Variants in MYO9A observed in about 807,000 individuals in gnomAD.
The protein encoded by MYO9A is unconventional myosin-IXa.
MYO9A carries 103 observed loss-of-function variants against 293.3 expected under a neutral mutation model. The ratio of observed to expected loss-of-function variants is 0.35; its 90% CI spans 0.30 to 0.41. The LOEUF is 0.41. Among genes scored for constraint, MYO9A ranks in the 10% least tolerant of loss-of-function variants. The pLI is 1.00. For synonymous variants in MYO9A, 1,001 were observed against 1,035.7 expected, an observed-to-expected ratio of 0.97 and a Z score of 0.64; for missense variants, 2,685 against 3,033.0, an observed-to-expected ratio of 0.89 and a Z score of 2.69.
At chr15:72,071,498 T>C (rs1356079066) in intron 1 of MYO9A, among the ~76,000 whole-genome samples, 1 of 152,216 alleles carries the variant, frequency 6.6e-6, no homozygotes, top group Non-Finnish European at 1.5e-5. Context: ...CCCAGCACTT[T>C]GGCAGGCCAA....
In MYO9A at chr15:71,825,869, A is replaced by G. The variant is rs992273116; in HGVS notation, c.*711T>C. The G allele has an allele frequency of 1.3e-5, 2 of 152,238 alleles. No individual in the cohort carries two copies. The highest frequency in any genetic ancestry group is 4.8e-5 in the African/African-American group (2 of 41,456). The allele number at this position is 152,238 out of a possible 1,614,324, so 9.4% of individuals were successfully genotyped here. A position where few individuals can be genotyped will look rare whatever the true frequency, so the allele number is the denominator to read the frequency against. On this transcript the variant is annotated 3_prime_UTR_variant, in exon 42 of 42. Transcript: ENST00000356056. ...ATTTGGCAGGAACTAAACAGGAGTTAAACCAGCACTGATTACTATGACATC... is the reference window on the plus strand; with the variant it reads ...ATTTGGCAGGAACTAAACAGGAGTTGAACCAGCACTGATTACTATGACATC...
At chr15:71,833,727 T>A (rs1030536553) in intron 39 of MYO9A, among the ~76,000 whole-genome samples, 2 of 152,072 alleles carry the variant, frequency 1.3e-5, no homozygotes, top group Non-Finnish European at 2.9e-5. Context: ...TCTAATAATG[T>A]AGTTACAAAG....
At position 71,959,931 on chromosome 15, in the gene MYO9A, C is replaced by A; in HGVS notation, c.2152G>T (p.Ala718Ser). 1 of 1,613,076 alleles carries A rather than the reference C, an allele frequency of 6.2e-7. No individual in the cohort carries two copies. The highest frequency in any genetic ancestry group is 1.1e-5 in the South Asian group (1 of 91,058). ...FFRAMVAFRE[A>S]GKRNIHRKTG... Reference sequence around the variant, plus strand: ...TTTCTGTGAATGTTTCTTTTCCCAGCTTCCCTGAAAGCAACCATGGCTCTG... The same window carrying A: ...TTTCTGTGAATGTTTCTTTTCCCAGATTCCCTGAAAGCAACCATGGCTCTG... The change falls in exon 14 of 42, where the codon GCT becomes TCT. Residue 718 changes from alanine (A) to serine (S), a missense_variant. Physicochemically the swap from Ala to Ser is moderately conservative, Grantham distance 99. Transcript: ENST00000356056.
At position 71,951,794 on chromosome 15, in the gene MYO9A, C is replaced by T; in HGVS notation, c.2285G>A (p.Cys762Tyr). Reference sequence around the variant, plus strand: ...AGCCTTACTGTACTTCTCTTCCTTGCATCTCTGCAGAATCTCTAAGCTCCT... The same window carrying T: ...AGCCTTACTGTACTTCTCTTCCTTGTATCTCTGCAGAATCTCTAAGCTCCT... ...HQRSLEILQR[C>Y]KEEKYSITRK... Residue 762 changes from cysteine (C) to tyrosine (Y), a missense_variant, in exon 15 of 42, where the codon TGC (cysteine) becomes TAC (tyrosine). Coordinates refer to ENST00000356056, the MANE Select transcript of MYO9A (RefSeq NM_006901.4). 1 of 1,613,710 alleles carries T rather than the reference C, an allele frequency of 6.2e-7. No homozygotes were observed.
chr15:72,103,403 CA>C (rs1488168664), intron 1 of MYO9A, among the ~76,000 whole-genome samples: 2 of 133,660 alleles, frequency 1.5e-5, no homozygotes, highest in African/African-American at 6.2e-5. Flanking sequence ...GAAGCAGCAG[CA>C]AGCAGCAAGC....
intron 1 of MYO9A, among the ~76,000 whole-genome samples, chr15:72,070,827 C>T (rs974947700): frequency 7.2e-5 from 11 of 152,116 alleles, no homozygotes; most frequent in Non-Finnish European, 8.8e-5. Flanking sequence ...TCAATAAATG[C>T]TGCTGGAAAT....
At chr15:72,037,926 T>TC (rs1229959136) in intron 2 of MYO9A, among the ~76,000 whole-genome samples, 110 of 151,700 alleles carry the variant, frequency 7.3e-4, no homozygotes, top group Admixed American at 1.6e-3. Context: ...TTTTTTTTTT[T>TC]TTCTCTGAGA....
chr15:71,927,777 A>G (rs1019885139), intron 18 of MYO9A, among the ~76,000 whole-genome samples: 1 of 151,260 alleles, frequency 6.6e-6, no homozygotes, highest in Non-Finnish European at 1.5e-5. Flanking sequence ...TCTTTAACCT[A>G]CTTGGTTGGA....
chr15:72,071,449 T>C (rs2079187936), intron 1 of MYO9A, among the ~76,000 whole-genome samples: 1 of 151,994 alleles, frequency 6.6e-6, no homozygotes, highest in South Asian at 2.1e-4. Context: ...TTGGTAGAAA[T>C]ATAAATTAGG....
At chr15:72,099,079 A>G (rs2080166909) in intron 1 of MYO9A, among the ~76,000 whole-genome samples, 1 of 152,142 alleles carries the variant, frequency 6.6e-6, no homozygotes, top group Non-Finnish European at 1.5e-5. Context: ...AGATCATTTG[A>G]GCCCAGAAGT....
rs57019438 is a variant in MYO9A at position 72,099,422 on chromosome 15, C to CAAAAAA, written c.-72+18252_-72+18257dup. On this transcript the variant is annotated intron_variant, in intron 1 of 41. Coordinates refer to ENST00000356056, the MANE Select transcript of MYO9A (RefSeq NM_006901.4). The stretch of plus-strand genomic sequence containing the variant: ...TGGGCAATAGAGCAAGACCCTGCCC[C>CAAAAAA]AAAAAAAAAAAAAAAAAAAAGAAAA... 3.2e-4 allele frequency among the ~76,000 whole-genome samples: 29 copies of CAAAAAA among 90,128 alleles called. 1 individual carries two copies. Among genetic ancestry groups the CAAAAAA allele is most frequent in the Admixed American group, 4.1e-4 (3 of 7,318 alleles). 59.1% of individuals were successfully genotyped at this position (90,128 alleles called of 152,430 possible).
At chr15:72,076,200 G>A (rs1355381928) in intron 1 of MYO9A, among the ~76,000 whole-genome samples, 2 of 151,918 alleles carry the variant, frequency 1.3e-5, no homozygotes, top group Admixed American at 1.3e-4. Flanking sequence ...AGCTACTAGG[G>A]AGGTTGAGGC....
At position 71,878,028 on chromosome 15, in the gene MYO9A, T is replaced by C; in HGVS notation, c.5931+12A>G. ...TTAAATCCTTTAAGTAATCAAAATATATCACATTTACCTTTGTGGCTGTGC... is the reference window on the plus strand; with the variant it reads ...TTAAATCCTTTAAGTAATCAAAATACATCACATTTACCTTTGTGGCTGTGC... On this transcript the variant is annotated intron_variant, in intron 31 of 41. Transcript: ENST00000356056. 6.4e-7 allele frequency: 1 copy of C among 1,562,858 alleles called. No homozygotes were observed. The highest frequency in any genetic ancestry group is 8.6e-7 in the Non-Finnish European group (1 of 1,156,466).
intron 33 of MYO9A, among the ~76,000 whole-genome samples, chr15:71,861,869 C>G (rs2056149073): frequency 6.6e-6 from 1 of 152,128 alleles, no homozygotes; most frequent in Admixed American, 6.5e-5. Context: ...CGCAGTGGCT[C>G]ACGCCTGTAA....
intron 1 of MYO9A, among the ~76,000 whole-genome samples, chr15:72,075,767 A>T (rs1157463047): frequency 6.6e-6 from 1 of 151,984 alleles, no homozygotes; most frequent in Non-Finnish European, 1.5e-5. Flanking sequence ...TCTACAAAAA[A>T]AATTTATAAT....
intron 35 of MYO9A, 23 bp from the exon 36 acceptor site, chr15:71,852,283 T>C (rs376854311): frequency 1.3e-6 from 2 of 1,583,918 alleles, no homozygotes. Context: ...AAGAGTTAGA[T>C]TAACAGAGCC....
intron 1 of MYO9A, among the ~76,000 whole-genome samples, chr15:72,055,378 G>A (rs1477289301): frequency 6.6e-6 from 1 of 152,160 alleles, no homozygotes; most frequent in Non-Finnish European, 1.5e-5. Context: ...AATTCTACAA[G>A]ATAATGTCAG....
intron 13 of MYO9A, among the ~76,000 whole-genome samples, chr15:71,967,250 T>C (rs189550910): frequency 1.1e-4 from 17 of 152,308 alleles, no homozygotes; most frequent in African/African-American, 4.1e-4. Flanking sequence ...ACAATATGTA[T>C]ATATGCACAT....
intron 1 of MYO9A, among the ~76,000 whole-genome samples, chr15:72,080,325 T>G (rs1387141322): frequency 6.7e-5 from 10 of 150,026 alleles, no homozygotes; most frequent in Non-Finnish European, 1.0e-4. Context: ...TTTTTTTTTT[T>G]GGTAAATGTG....
Sources: allele counts gnomAD v4.1 joint callset (sites outside exome capture counted in the v4.1 genomes callset), GRCh38; gene constraint gnomAD v4.1.1; transcripts MANE v1.5; gene names NCBI Gene and HGNC (gene_info 2026-07-23, HGNC 2026-07-21).